The following ITPR2 variants were observed in gnomAD, a reference collection of about 807,000 sequenced individuals.
ITPR2 encodes the protein inositol 1,4,5-trisphosphate receptor type 2.
Under a neutral mutation model 317.1 loss-of-function variants are expected in ITPR2, and 207 were observed. The ratio of observed to expected loss-of-function variants is 0.65; its 90% CI spans 0.58 to 0.73. The LOEUF (loss-of-function observed/expected upper bound fraction) is 0.73. Ranked by LOEUF, ITPR2 falls within the 30% of genes least tolerant of loss-of-function variation. The pLI is 0.00. For synonymous variants in ITPR2, 1,156 were observed against 1,149.1 expected, an observed-to-expected ratio of 1.01 and a Z score of -0.12; for missense variants, 2,613 against 3,284.0, an observed-to-expected ratio of 0.80 and a Z score of 4.99.
intron 2 of ITPR2, among the ~76,000 whole-genome samples, chr12:26,750,498 G>A (rs1350163269): frequency 1.3e-5 from 2 of 152,154 alleles, no homozygotes; most frequent in African/African-American, 2.4e-5. Context: ...CCCCAAACAG[G>A]TCGTCTATAC....
chr12:26,717,522 A>T (rs1738335680), intron 5 of ITPR2, among the ~76,000 whole-genome samples: 1 of 152,236 alleles, frequency 6.6e-6, no homozygotes, highest in African/African-American at 2.4e-5. Flanking sequence ...TCACGTCCAT[A>T]AGAAGTCAGA....
At chr12:26,788,277 G>T (rs1449016883) in intron 2 of ITPR2, among the ~76,000 whole-genome samples, 3 of 152,108 alleles carry the variant, frequency 2.0e-5, no homozygotes, top group Non-Finnish European at 4.4e-5. Flanking sequence ...ATATTTCAGG[G>T]CTCACAAAAC....
At chr12:26,658,714 T>C (rs750909865) in intron 16 of ITPR2, among the ~76,000 whole-genome samples, 2 of 152,248 alleles carry the variant, frequency 1.3e-5, no homozygotes, top group Admixed American at 6.5e-5. Flanking sequence ...CCTCGTATTC[T>C]ATTCCTATCA....
At chr12:26,553,426 C>T (rs1944578821) in intron 36 of ITPR2, among the ~76,000 whole-genome samples, 1 of 152,218 alleles carries the variant, frequency 6.6e-6, no homozygotes, top group Non-Finnish European at 1.5e-5. Context: ...GGAAGCCCTA[C>T]TTAGGGCTTG....
At chr12:26,808,560 A>G (rs759052667) in intron 1 of ITPR2, among the ~76,000 whole-genome samples, 12 of 152,172 alleles carry the variant, frequency 7.9e-5, no homozygotes, top group Admixed American at 7.2e-4. Context: ...TTAATGTTAG[A>G]GCCATTATTG....
At chr12:26,644,876 T>G (rs550827712) in intron 21 of ITPR2, among the ~76,000 whole-genome samples, 16 of 152,180 alleles carry the variant, frequency 1.1e-4, no homozygotes, top group East Asian at 5.8e-4. Context: ...CAGTCTATGG[T>G]ATTTTTGTTA....
chr12:26,596,350 TAA>T (rs1430511726), intron 31 of ITPR2, among the ~76,000 whole-genome samples: 1 of 152,200 alleles, frequency 6.6e-6, no homozygotes, highest in African/African-American at 2.4e-5. Flanking sequence ...CTATAGTTCT[TAA>T]AAGTTTCTCA....
intron 54 of ITPR2, among the ~76,000 whole-genome samples, chr12:26,390,296 T>A (rs1939793664): frequency 6.6e-6 from 1 of 152,206 alleles, no homozygotes; most frequent in Non-Finnish European, 1.5e-5. Flanking sequence ...TATGTTCACA[T>A]AAAAACTTGT....
chr12:26,336,590 T>C lies in ITPR2; in HGVS notation c.*2807A>G, dbSNP rs138564535. 8 of 152,312 alleles carry C rather than the reference T, an allele frequency of 5.3e-5. No individual in the cohort carries two copies. Among genetic ancestry groups the C allele is most frequent in the African/African-American group, 1.4e-4 (6 of 41,566 alleles). 9.4% of individuals were successfully genotyped at this position (152,312 alleles called of 1,614,324 possible). ...AGCATTTTCTCATCTAAAAGTGTTA[T>C]TTTAACTCAGAAAACATACTGGCAT... is the stretch of plus-strand genomic sequence containing the variant. On this transcript the variant is annotated 3_prime_UTR_variant, in exon 57 of 57. Coordinates refer to ENST00000381340, the MANE Select transcript of ITPR2 (RefSeq NM_002223.4).
intron 2 of ITPR2, among the ~76,000 whole-genome samples, chr12:26,778,412 C>T (rs770045444): frequency 4.6e-5 from 7 of 152,174 alleles, no homozygotes; most frequent in African/African-American, 7.2e-5. Flanking sequence ...ATAAGCTTAA[C>T]GAAGTTGTGA....
At chr12:26,715,686 C>T in intron 7 of ITPR2, 66 bp downstream of exon 7, 1 of 1,052,810 alleles carries the variant, frequency 9.5e-7, no homozygotes, top group Non-Finnish European at 1.4e-6. Context: ...ATAGGTTTTG[C>T]ATCTAGAATT....
chr12:26,453,068 ATTAT>A (rs1446174725), intron 45 of ITPR2, among the ~76,000 whole-genome samples: 1 of 152,174 alleles, frequency 6.6e-6, no homozygotes, highest in Non-Finnish European at 1.5e-5. Context: ...TTTCCCTACA[ATTAT>A]TTAAGACAAA....
At chr12:26,592,601 T>C (rs1945734746) in intron 32 of ITPR2, among the ~76,000 whole-genome samples, 1 of 152,220 alleles carries the variant, frequency 6.6e-6, no homozygotes, top group African/African-American at 2.4e-5. Flanking sequence ...GTTAATCAGA[T>C]ATTTGAGTAA....
chr12:26,362,254 G>T (rs1039168205), intron 55 of ITPR2, among the ~76,000 whole-genome samples: 37 of 152,152 alleles, frequency 2.4e-4, no homozygotes, highest in African/African-American at 8.4e-4. Flanking sequence ...CTCAGAGGTG[G>T]GCACTAGCAA....
intron 2 of ITPR2, among the ~76,000 whole-genome samples, chr12:26,729,377 T>A (rs1334078639): frequency 6.6e-6 from 1 of 152,068 alleles, no homozygotes; most frequent in Non-Finnish European, 1.5e-5. Flanking sequence ...TGTAAAATAG[T>A]CCAGTCATTG....
intron 54 of ITPR2, 118 bp from the exon 55 acceptor site, chr12:26,387,712 C>T: frequency 2.3e-6 from 2 of 873,710 alleles, no homozygotes; most frequent in Non-Finnish European, 3.4e-6. Context: ...AAGAGTGTGC[C>T]AATTTAAAAT....
chr12:26,417,717 G>C (rs1236250404), intron 50 of ITPR2, among the ~76,000 whole-genome samples: 1 of 152,174 alleles, frequency 6.6e-6, no homozygotes, highest in Non-Finnish European at 1.5e-5. Flanking sequence ...TATATTCATA[G>C]CAGTGTGAGA....
At chr12:26,402,639 T>G (rs1361001453) in intron 52 of ITPR2, among the ~76,000 whole-genome samples, 1 of 152,222 alleles carries the variant, frequency 6.6e-6, no homozygotes, top group Non-Finnish European at 1.5e-5. Flanking sequence ...GTCAGGTCAA[T>G]GCCAGCAATC....
chr12:26,686,465 C>A lies in ITPR2; in HGVS notation c.1148+16G>T, dbSNP rs768738444. The A allele has an allele frequency of 2.6e-6, 4 of 1,535,634 alleles. No individual in the cohort carries two copies. The highest frequency in any genetic ancestry group is 2.3e-5 in the East Asian group (1 of 42,744). On this transcript the variant is annotated intron_variant, in intron 11 of 56. Transcript: ENST00000381340. The stretch of plus-strand genomic sequence containing the variant: ...AATTATTCAAAGAAACATCTTTTAA[C>A]CATAATTTTTTTTACCTTGGAACCA...
Sources: allele counts gnomAD v4.1 joint callset (sites outside exome capture counted in the v4.1 genomes callset), GRCh38; gene constraint gnomAD v4.1.1; transcripts MANE v1.5; gene names NCBI Gene and HGNC (gene_info 2026-07-23, HGNC 2026-07-21).